The following WWC1 variants were observed in gnomAD, a reference collection of about 807,000 sequenced individuals.
The protein encoded by WWC1 is protein KIBRA.
WWC1 carries 55 observed loss-of-function variants against 138.4 expected under a neutral mutation model. The observed-to-expected ratio is 0.40, with a 90% CI of 0.32 to 0.50. The LOEUF (loss-of-function observed/expected upper bound fraction) is 0.50, where lower values mean the gene tolerates loss of function less well. Ranked by LOEUF, WWC1 falls within the 20% of genes least tolerant of loss-of-function variation. The pLI is 0.72. For missense variants in WWC1, 1,226 were observed against 1,420.4 expected (o/e 0.86, Z 2.20); for synonymous variants, 524 against 564.9 (o/e 0.93, Z 1.03).
At position 168,319,584 on chromosome 5, in the gene WWC1, C is replaced by T. The variant is rs117851019; in HGVS notation, c.119+27313C>T. Reference sequence around the variant, plus strand: ...TGGTACGATCTTAGCTTACTGCAGCCGCTACTTCCTGGCTCAAGTGATCCT... The same window carrying T: ...TGGTACGATCTTAGCTTACTGCAGCTGCTACTTCCTGGCTCAAGTGATCCT... On this transcript the variant is annotated intron_variant, in intron 1 of 22. Transcript: ENST00000265293. Among the ~76,000 whole-genome samples the T allele has an allele frequency of 5.6e-4, 85 of 152,038 alleles. 2 individuals carry two copies. In the East Asian group the frequency reaches 9.4e-3, roughly 17 times the overall value.
chr5:168,311,511 G>A (rs183690672), intron 1 of WWC1, among the ~76,000 whole-genome samples: 4 of 152,236 alleles, frequency 2.6e-5, no homozygotes, highest in African/African-American at 7.2e-5. Context: ...TCTTACTAGC[G>A]TGTGACCCTC....
At chr5:168,393,693 G>T (rs1466398276) in intron 3 of WWC1, among the ~76,000 whole-genome samples, 1 of 152,132 alleles carries the variant, frequency 6.6e-6, no homozygotes, top group African/African-American at 2.4e-5. Context: ...GAGGTGAGGA[G>T]ACACACAGAG....
intron 1 of WWC1, among the ~76,000 whole-genome samples, chr5:168,349,855 A>G (rs979853084): frequency 1.3e-5 from 2 of 152,200 alleles, no homozygotes; most frequent in Non-Finnish European, 2.9e-5. Flanking sequence ...TGTGACCAAC[A>G]GCGGCCTCTT....
At position 168,420,817 on chromosome 5, in the gene WWC1, C is replaced by T. The variant is rs75140060; in HGVS notation, c.1185-1191C>T. Among the ~76,000 whole-genome samples the T allele has an allele frequency of 4.5e-3, 688 of 152,290 alleles. 6 individuals are homozygous for T. Among genetic ancestry groups the T allele is most frequent in the Non-Finnish European group, 6.5e-3 (439 of 68,026 alleles). On this transcript the variant is annotated intron_variant, in intron 9 of 22. Coordinates refer to ENST00000265293, the MANE Select transcript of WWC1 (RefSeq NM_015238.3). The stretch of plus-strand genomic sequence containing the variant: ...TGCATTGCTCAAGCCTCCACCATCT[C>T]GGTTACACCTCACAGCCACCCTCCC...
At chr5:168,353,605 C>T (rs1316695609) in intron 1 of WWC1, among the ~76,000 whole-genome samples, 1 of 152,220 alleles carries the variant, frequency 6.6e-6, no homozygotes, top group Non-Finnish European at 1.5e-5. Flanking sequence ...GCCCAGGGAG[C>T]CTTTGCACCT....
intron 3 of WWC1, among the ~76,000 whole-genome samples, chr5:168,386,377 C>CTTTTTTTTTTTTTTCT (rs59691686): frequency 8.3e-5 from 12 of 143,962 alleles, no homozygotes; most frequent in South Asian, 4.4e-4. Flanking sequence ...TCCCCTTGTT[C>CTTTTTTTTTTTTTTCT]TTTTTTTTTT....
Position 168,393,089 on chromosome 5 carries a change from CA to C in WWC1, c.434-4630del, listed in dbSNP as rs373323776. Reference sequence around the variant, plus strand: ...GGAGGAAACCTTCTAAAAATCAGAGCAAAAATACAAGATTGAAAATAAGAGG... The same window carrying C: ...GGAGGAAACCTTCTAAAAATCAGAGCAAAATACAAGATTGAAAATAAGAGG... On this transcript the variant is annotated intron_variant, in intron 3 of 22. Transcript: ENST00000265293. Among the ~76,000 whole-genome samples, 1,412 of 151,138 alleles carry C rather than the reference CA, an allele frequency of 9.3e-3. 27 individuals are homozygous for C. Among genetic ancestry groups the C allele is most frequent in the African/African-American group, 0.032 (1,337 of 41,148 alleles).
At chr5:168,442,730 G>A (rs1270543003) in intron 16 of WWC1, among the ~76,000 whole-genome samples, 1 of 151,558 alleles carries the variant, frequency 6.6e-6, no homozygotes, top group East Asian at 1.9e-4. Context: ...CTAGCTACTA[G>A]GGAGGCTGAG....
chr5:168,390,709 G>A (rs1265329342), intron 3 of WWC1, among the ~76,000 whole-genome samples: 1 of 152,262 alleles, frequency 6.6e-6, no homozygotes, highest in Admixed American at 6.5e-5. Flanking sequence ...GGGCTTGTGA[G>A]GGTTTTGCCA....
In WWC1 at chr5:168,307,975, AG is replaced by A. The variant is rs569614745; in HGVS notation, c.119+15706del. ...TCTCCATCTGCTTATTTGGTATGAA[AG>A]GCTTCGTGAGAACCAAGTTTGCCTT... On this transcript the variant is annotated intron_variant, in intron 1 of 22. Transcript: ENST00000265293. Among the ~76,000 whole-genome samples the A allele has an allele frequency of 1.6e-4, 24 of 152,226 alleles. No homozygotes were observed. In the East Asian group the frequency reaches 4.7e-3, roughly 30 times the overall value.
chr5:168,442,925 C>T (rs1215621960), intron 16 of WWC1, among the ~76,000 whole-genome samples: 4 of 152,052 alleles, frequency 2.6e-5, no homozygotes, highest in South Asian at 2.1e-4. Flanking sequence ...TAGCGCAGTA[C>T]GCTTTAATGT....
intron 1 of WWC1, among the ~76,000 whole-genome samples, chr5:168,333,846 C>T (rs1360130721): frequency 2.6e-5 from 4 of 152,020 alleles, no homozygotes; most frequent in African/African-American, 9.7e-5. Flanking sequence ...GAACTCATTA[C>T]AAGATTCTTA....
chr5:168,357,861 G>A (rs1466105193), intron 1 of WWC1, among the ~76,000 whole-genome samples: 2 of 152,168 alleles, frequency 1.3e-5, no homozygotes, highest in East Asian at 1.9e-4. Flanking sequence ...TTTCAGAGGC[G>A]AAAACTGTTT....
chr5:168,361,978 G>T (rs1775912857), intron 1 of WWC1, among the ~76,000 whole-genome samples: 1 of 152,190 alleles, frequency 6.6e-6, no homozygotes, highest in African/African-American at 2.4e-5. Context: ...AGCTACTTGG[G>T]AGGCTGAGGC....
intron 1 of WWC1, among the ~76,000 whole-genome samples, chr5:168,347,529 A>G (rs951070385): frequency 2.0e-5 from 3 of 152,186 alleles, no homozygotes; most frequent in Non-Finnish European, 4.4e-5. Context: ...CCTGTTAAGA[A>G]GTGTTTGTGG....
intron 1 of WWC1, among the ~76,000 whole-genome samples, chr5:168,322,885 A>G (rs1166200883): frequency 6.6e-6 from 1 of 152,224 alleles, no homozygotes; most frequent in African/African-American, 2.4e-5. Flanking sequence ...TGATCGGCCA[A>G]TAAATTAGGC....
At chr5:168,414,108 A>C (rs148824525) in intron 8 of WWC1, 6 of 521,888 alleles carry the variant, frequency 1.1e-5, no homozygotes, top group Non-Finnish European at 2.0e-5. Flanking sequence ...GGAACAGGGC[A>C]AGGACATTGC....
At chr5:168,392,204 C>T (rs931051554) in intron 3 of WWC1, among the ~76,000 whole-genome samples, 2 of 152,044 alleles carry the variant, frequency 1.3e-5, no homozygotes, top group South Asian at 4.2e-4. Flanking sequence ...CCTGAAAGCA[C>T]GAGTAAGTGA....
At chr5:168,414,702 G>A in intron 9 of WWC1, 112 bp downstream of exon 9, 1 of 1,399,586 alleles carries the variant, frequency 7.1e-7, no homozygotes, top group Non-Finnish European at 9.4e-7. Flanking sequence ...TCCACCCTGA[G>A]CACGCTCAGT....
Sources: gnomAD v4.1 joint callset for allele counts (sites outside exome capture counted in the v4.1 genomes callset) on GRCh38, gnomAD v4.1.1 for gene constraint, MANE v1.5 for transcripts, NCBI Gene and HGNC (gene_info 2026-07-23, HGNC 2026-07-21) for gene names.